Variants in ZNRF3 observed in about 807,000 individuals in gnomAD.
ZNRF3 encodes the protein E3 ubiquitin-protein ligase ZNRF3.
A neutral mutation model predicts 72.5 loss-of-function variants in ZNRF3; 23 were observed. The observed-to-expected ratio is 0.32, with a 90% confidence interval of 0.23 to 0.45. The LOEUF is 0.45. Among genes scored for constraint, ZNRF3 ranks in the 20% least tolerant of loss-of-function variants. ZNRF3 has a pLI of 1.00. For missense variants in ZNRF3, 1,169 were observed against 1,272.1 expected, an observed-to-expected ratio of 0.92 and a Z score of 1.23; for synonymous variants, 610 against 545.3, an observed-to-expected ratio of 1.12 and a Z score of -1.65.
chr22:28,884,536 C>A (rs78705611), intron 1 of ZNRF3, among the ~76,000 whole-genome samples: 1 of 152,158 alleles, frequency 6.6e-6, no homozygotes, highest in African/African-American at 2.4e-5. Flanking sequence ...TCGGGTTCTT[C>A]CCCGGAACCT....
At chr22:28,897,006 C>T (rs974998127) in intron 1 of ZNRF3, among the ~76,000 whole-genome samples, 2 of 152,216 alleles carry the variant, frequency 1.3e-5, no homozygotes, top group Admixed American at 6.5e-5. Flanking sequence ...TGGGCTCAAG[C>T]GATCCTTCCG....
intron 1 of ZNRF3, among the ~76,000 whole-genome samples, chr22:28,889,346 C>T (rs2033846393): frequency 6.6e-6 from 1 of 152,150 alleles, no homozygotes; most frequent in South Asian, 2.1e-4. Flanking sequence ...TTCCAGGGTT[C>T]TGTGATGTGT....
At chr22:29,031,605 G>A (rs1166299464) in intron 2 of ZNRF3, 3 of 985,568 alleles carry the variant, frequency 3.0e-6, no homozygotes, top group Non-Finnish European at 3.6e-6. Flanking sequence ...TGAAGAACTC[G>A]AGGAGGAGGA....
At chr22:29,037,661 A>G (rs535995790) in intron 2 of ZNRF3, among the ~76,000 whole-genome samples, 38 of 152,310 alleles carry the variant, frequency 2.5e-4, no homozygotes, top group African/African-American at 7.7e-4. Flanking sequence ...ACTTGTCTCA[A>G]TGGCCACAGA....
chr22:28,975,929 AT>A lies in ZNRF3; in HGVS notation c.301-11143del, dbSNP rs376692730. Among the ~76,000 whole-genome samples the A allele has an allele frequency of 1.1e-3, 161 of 152,190 alleles. 1 individual carries two copies. Among genetic ancestry groups the A allele is most frequent in the African/African-American group, 3.7e-3 (152 of 41,522 alleles). ...GGTTTAGAGCTGGTTTACTTGGCTGATTTTGCTGTTGTATTCATCACCAATA... is the reference window on the plus strand; with the variant it reads ...GGTTTAGAGCTGGTTTACTTGGCTGATTTGCTGTTGTATTCATCACCAATA... On this transcript the variant is annotated intron_variant, in intron 1 of 8. Transcript: ENST00000544604.
chr22:28,987,591 G>GGT lies in ZNRF3; in HGVS notation c.426+391_426+392dup, dbSNP rs547282939. On this transcript the variant is annotated intron_variant, in intron 2 of 8. Transcript: ENST00000544604. ...TGGGGGGTTTAGAAAGGCATTAAGG[G>GGT]GTATAGATTTTATATTAAGTAACCT... Among the ~76,000 whole-genome samples, 114 of 152,218 alleles carry GGT rather than the reference G, an allele frequency of 7.5e-4. 1 individual carries two copies. The highest frequency in any genetic ancestry group is 1.2e-3 in the Non-Finnish European group (83 of 68,014).
intron 1 of ZNRF3, among the ~76,000 whole-genome samples, chr22:28,914,986 T>G (rs1006844354): frequency 1.3e-5 from 2 of 152,142 alleles, no homozygotes; most frequent in Non-Finnish European, 2.9e-5. Flanking sequence ...TCCCCTGTCA[T>G]ACCCCCAAAC....
intron 1 of ZNRF3, among the ~76,000 whole-genome samples, chr22:28,954,271 C>G (rs2035216603): frequency 6.6e-6 from 1 of 152,174 alleles, no homozygotes; most frequent in African/African-American, 2.4e-5. Flanking sequence ...TGGTCGGGTT[C>G]TGGTGAGGGC....
chr22:29,015,745 T>C (rs910648907), intron 2 of ZNRF3, among the ~76,000 whole-genome samples: 1 of 151,348 alleles, frequency 6.6e-6, no homozygotes, highest in African/African-American at 2.4e-5. Flanking sequence ...CAGCTGGGCA[T>C]GATGGCTTAA....
chr22:28,902,191 C>T (rs1437586102), intron 1 of ZNRF3, among the ~76,000 whole-genome samples: 2 of 152,116 alleles, frequency 1.3e-5, no homozygotes, highest in African/African-American at 4.8e-5. Context: ...CCTGCCTTGG[C>T]CTCCCAAAGT....
At chr22:29,008,560 C>A (rs1370551294) in intron 2 of ZNRF3, among the ~76,000 whole-genome samples, 1 of 152,224 alleles carries the variant, frequency 6.6e-6, no homozygotes, top group East Asian at 1.9e-4. Context: ...TTCTCGTCAG[C>A]ATCAAGGCCA....
chr22:29,025,616 G>A (rs1243773139), intron 2 of ZNRF3: 2 of 150,518 alleles, frequency 1.3e-5, no homozygotes, highest in South Asian at 4.2e-4. Flanking sequence ...TGGAATACAA[G>A]CGCATGATCT....
chr22:28,979,568 A>T (rs1468843753), intron 1 of ZNRF3, among the ~76,000 whole-genome samples: 1 of 152,200 alleles, frequency 6.6e-6, no homozygotes, highest in African/African-American at 2.4e-5. Context: ...TGACTCAGTA[A>T]TCAATAACTG....
chr22:29,025,913 G>C (rs1601681558), intron 2 of ZNRF3: 2 of 152,346 alleles, frequency 1.3e-5, no homozygotes, highest in African/African-American at 4.8e-5. Flanking sequence ...ACACAGGACA[G>C]AAAGTAGTAT....
intron 2 of ZNRF3, among the ~76,000 whole-genome samples, chr22:29,005,185 A>G (rs1290231183): frequency 6.6e-6 from 1 of 152,234 alleles, no homozygotes; most frequent in East Asian, 1.9e-4. Context: ...TGCCTGCCCC[A>G]GCCAGGCTCA....
intron 1 of ZNRF3, among the ~76,000 whole-genome samples, chr22:28,928,135 C>T (rs1445508019): frequency 2.0e-5 from 3 of 152,110 alleles, no homozygotes; most frequent in Admixed American, 6.6e-5. Flanking sequence ...CTCTTTTGGT[C>T]TGTATTTAAT....
intron 1 of ZNRF3, among the ~76,000 whole-genome samples, chr22:28,979,535 T>G (rs1384955873): frequency 6.6e-6 from 1 of 152,194 alleles, no homozygotes. Flanking sequence ...AGTAAATCTT[T>G]TTTGTCCTGG....
chr22:29,012,894 T>G (rs2036369480), intron 2 of ZNRF3, among the ~76,000 whole-genome samples: 1 of 152,194 alleles, frequency 6.6e-6, no homozygotes, highest in South Asian at 2.1e-4. Flanking sequence ...ACATTGAGAC[T>G]CAGGGGAAGG....
intron 2 of ZNRF3, among the ~76,000 whole-genome samples, chr22:29,038,457 C>T (rs532474248): frequency 4.3e-4 from 65 of 152,050 alleles, no homozygotes; most frequent in African/African-American, 1.4e-3. Flanking sequence ...CTCAGCCTCC[C>T]GAGGAGCTGG....
Sources: allele counts gnomAD v4.1 joint callset (sites outside exome capture counted in the v4.1 genomes callset), GRCh38; gene constraint gnomAD v4.1.1; transcripts MANE v1.5; gene names NCBI Gene and HGNC (gene_info 2026-07-23, HGNC 2026-07-21).